KIDINS220: variants seen among roughly 807,000 people sequenced by gnomAD.
KIDINS220 encodes kinase D-interacting substrate of 220 kDa.
KIDINS220 carries 63 observed loss-of-function variants against 157.6 expected under a neutral mutation model. That is an observed-to-expected ratio of 0.40 (90% CI 0.33 to 0.49). The LOEUF (loss-of-function observed/expected upper bound fraction) is 0.49, where lower values mean the gene tolerates loss of function less well. Ranked by LOEUF, KIDINS220 falls within the 20% of genes least tolerant of loss-of-function variation. The pLI is 0.66. For synonymous variants in KIDINS220, 732 were observed against 783.6 expected (o/e 0.93, Z 1.10); for missense variants, 1,772 against 2,171.2 (o/e 0.82, Z 3.65).
chr2:8,731,183 T>C lies in KIDINS220; in HGVS notation c.4853A>G (p.Glu1618Gly), dbSNP rs756061200. The C allele has an allele frequency of 1.9e-6, 3 of 1,614,210 alleles. No homozygotes were observed. The African/African-American group carries it at 4.0e-5, about 22-fold the overall frequency. ...QLEKANLIEL[E>G]DDSHSGKRGI... ...CCGCTTTCCGCTGTGACTGTCATCT[T>C]CCAGCTCTATGAGATTTGCCTTTTC... Residue 1618 changes from glutamate (E) to glycine (G), a missense_variant, in exon 30 of 30, where the codon GAA becomes GGA. Transcript: ENST00000256707. This position sits in a 1 kb window ranked among gnomAD's most constrained non-coding sequence, Gnocchi z 5.2.
chr2:8,750,400 T>C (rs1667189651), intron 23 of KIDINS220, 65 bp from the exon 24 acceptor site: 2 of 1,099,496 alleles, frequency 1.8e-6, no homozygotes. Context: ...AGTCCAATTA[T>C]CACATTCTTC....
rs1299906468 is a variant in KIDINS220, at chr2:8,796,764, G to GTTT, written c.1098+4_1098+6dup. ...CATACAGTGTTCTCTCCGCACAGATGTTTTACCTTATCTACAGCAGACACT... is the reference window on the plus strand; with the variant it reads ...CATACAGTGTTCTCTCCGCACAGATGTTTTTTTACCTTATCTACAGCAGACACT... On this transcript the variant is annotated splice_region_variant and intron_variant, in intron 11 of 29. Coordinates refer to ENST00000256707, the MANE Select transcript of KIDINS220 (RefSeq NM_020738.4). The GTTT allele has an allele frequency of 1.2e-6, 2 of 1,606,376 alleles. No individual in the cohort carries two copies. The highest frequency in any genetic ancestry group is 2.7e-5 in the African/African-American group (2 of 74,792).
chr2:8,823,508 C>T (rs1278433502), intron 2 of KIDINS220, among the ~76,000 whole-genome samples: 3 of 150,696 alleles, frequency 2.0e-5, no homozygotes, highest in South Asian at 2.1e-4. Flanking sequence ...CAAATTATCA[C>T]GTTAAAACTC....
intron 21 of KIDINS220, among the ~76,000 whole-genome samples, chr2:8,774,495 A>G (rs1164500036): frequency 1.3e-5 from 2 of 152,150 alleles, no homozygotes; most frequent in African/African-American, 4.8e-5. Context: ...ACCAAAGAAG[A>G]TGTCATTTTA....
intron 2 of KIDINS220, among the ~76,000 whole-genome samples, chr2:8,822,538 G>T (rs1678141080): frequency 6.6e-6 from 1 of 152,140 alleles, no homozygotes; most frequent in East Asian, 1.9e-4. Flanking sequence ...TGAGATGGAA[G>T]GATTGCTTAA....
chr2:8,748,257 T>C (rs971033412), intron 24 of KIDINS220, among the ~76,000 whole-genome samples: 1 of 152,212 alleles, frequency 6.6e-6, no homozygotes, highest in Non-Finnish European at 1.5e-5. Flanking sequence ...ACTTTACAGT[T>C]TGACACGAGT....
chr2:8,827,544 A>G (rs556767899), intron 1 of KIDINS220, among the ~76,000 whole-genome samples: 1 of 152,282 alleles, frequency 6.6e-6, no homozygotes, highest in African/African-American at 2.4e-5. Context: ...CTCTACCTGT[A>G]AAATACATTT....
chr2:8,835,849 C>T (rs1680315114), intron 1 of KIDINS220, among the ~76,000 whole-genome samples: 1 of 151,870 alleles, frequency 6.6e-6, no homozygotes, highest in African/African-American at 2.4e-5. Flanking sequence ...AGAAACTGAC[C>T]GTTCTTGAGC....
rs1667130212 is a variant in KIDINS220, at chr2:8,750,118, G to A, written c.3408C>T (p.Tyr1136=). The A allele has an allele frequency of 3.7e-6, 6 of 1,613,650 alleles. No homozygotes were observed. The highest frequency in any genetic ancestry group is 5.1e-6 in the Non-Finnish European group (6 of 1,179,610). The change falls in exon 24 of 30, where the codon TAC becomes TAT. Residue 1136 remains tyrosine, a synonymous_variant. Coordinates refer to ENST00000256707, the MANE Select transcript of KIDINS220 (RefSeq NM_020738.4). ...CTGCCTCCAACTTCCTTACCCTGTT[G>A]TAGAAGGGATGCTGAGGGCCCGTCA... is the stretch of plus-strand genomic sequence containing the variant. The part of the protein sequence containing the change: ...SGMTGPQHPF[Y]NRPFFAPYLY...
intron 15 of KIDINS220, 144 bp from the exon 16 acceptor site, chr2:8,786,501 G>T (rs570121839): frequency 5.7e-6 from 4 of 703,794 alleles, no homozygotes; most frequent in Admixed American, 2.9e-5. Context: ...GGAGGGAAAA[G>T]AATTTGTAAT....
intron 6 of KIDINS220, among the ~76,000 whole-genome samples, chr2:8,810,010 G>A (rs1676057719): frequency 6.6e-6 from 1 of 152,014 alleles, no homozygotes; most frequent in South Asian, 2.1e-4. Flanking sequence ...CACTGAGGGT[G>A]CACTCAACAC....
intron 1 of KIDINS220, among the ~76,000 whole-genome samples, chr2:8,829,542 T>C (rs892854558): frequency 6.6e-6 from 1 of 152,102 alleles, no homozygotes; most frequent in Non-Finnish European, 1.5e-5. Flanking sequence ...ATTATATAAA[T>C]TATAAAAATT....
At chr2:8,753,929 G>C (rs1667687491) in intron 22 of KIDINS220, among the ~76,000 whole-genome samples, 1 of 152,138 alleles carries the variant, frequency 6.6e-6, no homozygotes, top group African/African-American at 2.4e-5. Flanking sequence ...ACATGCACAA[G>C]ACAGAAAAGC....
chr2:8,832,499 C>A (rs1466945267), intron 1 of KIDINS220, among the ~76,000 whole-genome samples: 1 of 152,062 alleles, frequency 6.6e-6, no homozygotes, highest in Non-Finnish European at 1.5e-5. Flanking sequence ...AAATAAGACC[C>A]CCATATATGT....
intron 4 of KIDINS220, 120 bp from the exon 5 acceptor site, chr2:8,813,455 T>C: frequency 4.5e-6 from 3 of 664,760 alleles, no homozygotes; most frequent in Non-Finnish European, 7.6e-6. Context: ...ATGATGGTAG[T>C]ATTATATAGT....
At chr2:8,813,199 C>T (rs762496606) in intron 5 of KIDINS220, 38 bp downstream of exon 5, 4 of 1,438,850 alleles carry the variant, frequency 2.8e-6, no homozygotes, top group Non-Finnish European at 3.8e-6. Context: ...GAAAACTTAC[C>T]ACTTATAATA....
intron 22 of KIDINS220, among the ~76,000 whole-genome samples, chr2:8,769,043 G>T (rs1669836066): frequency 6.6e-6 from 1 of 152,116 alleles, no homozygotes; most frequent in Non-Finnish European, 1.5e-5. Context: ...CCCAAATCCA[G>T]CCCAGTCATA....
At chr2:8,788,624 T>C in intron 15 of KIDINS220, 23 bp downstream of exon 15, 1 of 1,594,978 alleles carries the variant, frequency 6.3e-7, no homozygotes, top group Non-Finnish European at 8.5e-7. Flanking sequence ...TGAAGATTTC[T>C]TCTGTCAAAT....
intron 11 of KIDINS220, 121 bp downstream of exon 11, chr2:8,796,650 T>G: frequency 1.3e-6 from 1 of 783,796 alleles, no homozygotes; most frequent in Non-Finnish European, 2.2e-6. Context: ...CACACAGACA[T>G]CCCCAGCAAG....
Sources: gnomAD v4.1 joint callset for allele counts (sites outside exome capture counted in the v4.1 genomes callset) on GRCh38, gnomAD v4.1.1 for gene constraint, Gnocchi (gnomAD v3.1) non-coding constraint, MANE v1.5 for transcripts, NCBI Gene and HGNC (gene_info 2026-07-23, HGNC 2026-07-21) for gene names.